The following YLPM1 variants were observed in gnomAD, a reference collection of about 807,000 sequenced individuals.
YLPM1 encodes YLP motif-containing protein 1.
YLPM1 carries 99 observed loss-of-function variants against 230.0 expected under a neutral mutation model. The observed-to-expected ratio is 0.43, with a 90% CI of 0.37 to 0.51. The LOEUF (loss-of-function observed/expected upper bound fraction) is 0.51. YLPM1 is among the 20% of genes least tolerant of loss of function. The probability of loss-of-function intolerance (pLI) is 0.00; values close to 1 mark genes in which losing one functional copy is unlikely to be tolerated. For missense variants in YLPM1, 2,592 were observed against 2,707.7 expected (o/e 0.96, Z 0.95); for synonymous variants, 984 against 942.5 (o/e 1.04, Z -0.81).
intron 19 of YLPM1, among the ~76,000 whole-genome samples, chr14:74,830,230 A>T (rs1320045536): frequency 6.6e-6 from 1 of 152,190 alleles, no homozygotes; most frequent in East Asian, 1.9e-4. Context: ...GAGCAGATTA[A>T]AGAATGAATA....
intron 6 of YLPM1, among the ~76,000 whole-genome samples, chr14:74,806,594 A>G (rs2091380784): frequency 1.3e-5 from 2 of 152,214 alleles, no homozygotes; most frequent in Admixed American, 1.3e-4. Context: ...AAAAAAATAT[A>G]TAAATAAATA....
Position 74,816,386 on chromosome 14 carries a change from A to T in YLPM1, c.5565+121A>T, listed in dbSNP as rs919912635. 42 of 1,292,566 alleles carry T rather than the reference A, an allele frequency of 3.2e-5. No individual in the cohort carries two copies. In the African/African-American group the frequency reaches 6.1e-4, roughly 19 times the overall value. The allele number at this position is 1,292,566 out of a possible 1,614,324, so 80.1% of individuals were successfully genotyped here. On this transcript the variant is annotated intron_variant, in intron 12 of 20. Transcript: ENST00000325680. The stretch of plus-strand genomic sequence containing the variant: ...AATTGTCTTCCATTTGATCCATTAC[A>T]GTTGGCCCATGTGGTAGATGTTGTC...
At chr14:74,812,294 A>G (rs1173502197) in intron 10 of YLPM1, among the ~76,000 whole-genome samples, 1 of 152,242 alleles carries the variant, frequency 6.6e-6, no homozygotes, top group Non-Finnish European at 1.5e-5. Flanking sequence ...TCTTAAAACC[A>G]TAAAGCAGAA....
chr14:74,834,239 A>T (rs899640466), intron 19 of YLPM1, among the ~76,000 whole-genome samples: 1 of 151,758 alleles, frequency 6.6e-6, no homozygotes, highest in Non-Finnish European at 1.5e-5. Flanking sequence ...GTAAGAATAT[A>T]TATATATTAA....
At chr14:74,797,045 C>T (rs534718448) in intron 4 of YLPM1, among the ~76,000 whole-genome samples, 2 of 141,820 alleles carry the variant, frequency 1.4e-5, no homozygotes, top group Non-Finnish European at 3.1e-5. Context: ...GATCTCAGCT[C>T]ACTGCAACCT....
chr14:74,811,465 A>G (rs935089654), intron 9 of YLPM1, among the ~76,000 whole-genome samples, 155 bp from the exon 10 acceptor site: 1 of 152,122 alleles, frequency 6.6e-6, no homozygotes, highest in Non-Finnish European at 1.5e-5. Flanking sequence ...CCTGGTTGAC[A>G]AAGTAAGACC....
Position 74,835,738 on chromosome 14 carries a change from T to C in YLPM1, c.*37-37T>C, listed in dbSNP as rs1002493574. On this transcript the variant is annotated intron_variant, in intron 20 of 20. Coordinates refer to ENST00000325680, the MANE Select transcript of YLPM1 (RefSeq NM_019589.3). ...AAGGGCTACTGAACTTTTTGCCTGTTCTTTCCAGGTGTGACAGCCTTTTCT... is the reference window on the plus strand; with the variant it reads ...AAGGGCTACTGAACTTTTTGCCTGTCCTTTCCAGGTGTGACAGCCTTTTCT... 22 of 420,158 alleles carry C rather than the reference T, an allele frequency of 5.2e-5. No homozygotes were observed. In the Middle Eastern group the frequency reaches 1.4e-3, roughly 28 times the overall value. 26.0% of individuals were successfully genotyped at this position (420,158 alleles called of 1,614,324 possible).
chr14:74,772,587 C>T (rs970622126), intron 1 of YLPM1, among the ~76,000 whole-genome samples: 1 of 152,000 alleles, frequency 6.6e-6, no homozygotes, highest in Non-Finnish European at 1.5e-5. Flanking sequence ...TCGAACTCCT[C>T]ACCTTGTGAT....
intron 19 of YLPM1, among the ~76,000 whole-genome samples, chr14:74,832,272 C>T (rs571088967): frequency 7.2e-5 from 11 of 152,252 alleles, no homozygotes; most frequent in South Asian, 2.1e-4. Flanking sequence ...TTTAGTGGTT[C>T]GGTAATCATT....
Position 74,763,608 on chromosome 14 carries a change from C to A in YLPM1, c.119C>A (p.Thr40Lys). ...CCGGGGCCCGGGTACTCGAGCTCGA[C>A]GACTCCCGCGGCCCCCTCCTCCTCG... ...ASPGPGYSSSTTPAAPSSSGF... is the reference protein window; with the variant it reads ...ASPGPGYSSSKTPAAPSSSGF... The change falls in exon 1 of 21, where the codon ACG becomes AAG. Residue 40 changes from threonine to lysine, a missense_variant. By Grantham distance (78) the Thr-to-Lys change is moderately conservative. Coordinates refer to ENST00000325680, the MANE Select transcript of YLPM1 (RefSeq NM_019589.3). The A allele has an allele frequency of 6.3e-7, 1 of 1,592,088 alleles. No homozygotes were observed. Among genetic ancestry groups the A allele is most frequent in the Non-Finnish European group, 8.6e-7 (1 of 1,168,578 alleles).
At chr14:74,801,791 G>T (rs1024047829) in intron 5 of YLPM1, among the ~76,000 whole-genome samples, 1 of 152,194 alleles carries the variant, frequency 6.6e-6, no homozygotes, top group African/African-American at 2.4e-5. Context: ...ATTTATATAT[G>T]AAATATTTTG....
chr14:74,827,405 A>G (rs2091573022), intron 18 of YLPM1: 1 of 985,330 alleles, frequency 1.0e-6, no homozygotes, highest in African/African-American at 1.7e-5. Context: ...GCCTTTCTTC[A>G]GCCCAAGAAG....
At chr14:74,790,745 A>C (rs1181078067) in intron 4 of YLPM1, among the ~76,000 whole-genome samples, 1 of 152,184 alleles carries the variant, frequency 6.6e-6, no homozygotes, top group Non-Finnish European at 1.5e-5. Flanking sequence ...TAATGTTTCT[A>C]CTATATTTTA....
At chr14:74,765,457 G>A (rs1364218759) in intron 1 of YLPM1, among the ~76,000 whole-genome samples, 1 of 152,144 alleles carries the variant, frequency 6.6e-6, no homozygotes, top group Non-Finnish European at 1.5e-5. Context: ...CACATCTTCT[G>A]GAGAAAACAC....
At chr14:74,821,403 A>G in intron 17 of YLPM1, 1 of 303,262 alleles carries the variant, frequency 3.3e-6, no homozygotes, top group East Asian at 5.8e-5. Context: ...GTTTTAGGGG[A>G]GTATACCTTT....
At chr14:74,815,707 C>T (rs908703277) in intron 11 of YLPM1, among the ~76,000 whole-genome samples, 1 of 151,798 alleles carries the variant, frequency 6.6e-6, no homozygotes, top group Non-Finnish European at 1.5e-5. Context: ...CTTTAGTTTG[C>T]TCTTCTTTTT....
chr14:74,817,136 T>C (rs1257211028), intron 14 of YLPM1, 29 bp downstream of exon 14: 1 of 1,599,034 alleles, frequency 6.3e-7, no homozygotes, highest in South Asian at 1.1e-5. Flanking sequence ...TTAAAGTACT[T>C]TGTGTTGTCA....
intron 17 of YLPM1, 131 bp from the exon 18 acceptor site, chr14:74,824,124 CT>C (rs1374622575): frequency 3.8e-6 from 3 of 798,394 alleles, no homozygotes; most frequent in Non-Finnish European, 6.0e-6. Flanking sequence ...TGTGTTTCCC[CT>C]AAGGATGTAT....
chr14:74,807,207 T>C (rs1475679206), intron 6 of YLPM1, among the ~76,000 whole-genome samples: 1 of 152,188 alleles, frequency 6.6e-6, no homozygotes, highest in African/African-American at 2.4e-5. Context: ...TGGGCAAATA[T>C]ATAAATAATG....
Sources: gnomAD v4.1 joint callset for allele counts (sites outside exome capture counted in the v4.1 genomes callset) on GRCh38, gnomAD v4.1.1 for gene constraint, MANE v1.5 for transcripts, NCBI Gene and HGNC (gene_info 2026-07-23, HGNC 2026-07-21) for gene names.